Variants in KNDC1 observed in about 807,000 individuals in gnomAD.
KNDC1 encodes kinase non-catalytic C-lobe domain-containing protein 1.
KNDC1 carries 106 observed loss-of-function variants against 172.8 expected under a neutral mutation model. That is an observed-to-expected ratio of 0.61 (90% CI 0.52 to 0.72). KNDC1 has a LOEUF of 0.72. Ranked by LOEUF, KNDC1 falls within the 30% of genes least tolerant of loss-of-function variation. KNDC1 has a pLI of 0.00. For missense variants in KNDC1, 2,325 were observed against 2,394.5 expected (o/e 0.97, Z 0.61); for synonymous variants, 1,083 against 1,062.2 (o/e 1.02, Z -0.38).
At chr10:133,210,545 G>T (rs369933988) in intron 20 of KNDC1, 66 bp from the exon 21 acceptor site, 9 of 934,108 alleles carry the variant, frequency 9.6e-6, no homozygotes, top group African/African-American at 1.6e-5. Flanking sequence ...CCCCACCACC[G>T]AACACTAGCC....
intron 11 of KNDC1, 68 bp from the exon 12 acceptor site, chr10:133,197,607 C>T (rs1395440714): frequency 2.4e-6 from 3 of 1,225,216 alleles, no homozygotes; most frequent in Non-Finnish European, 3.6e-6. Flanking sequence ...GGGGGACGCC[C>T]TGTGGGTGTT....
At chr10:133,184,033 C>T in intron 5 of KNDC1, 44 bp downstream of exon 5, 2 of 1,145,366 alleles carry the variant, frequency 1.7e-6, no homozygotes, top group East Asian at 2.4e-5. Flanking sequence ...TGCACATATA[C>T]CTGTGTGCCA....
chr10:133,208,490 G>C (rs189505413), intron 20 of KNDC1, among the ~76,000 whole-genome samples: 7 of 20,298 alleles, frequency 3.4e-4, no homozygotes, highest in African/African-American at 8.6e-4. Flanking sequence ...AGGGACGTGG[G>C]CCCCCAACCC....
intron 3 of KNDC1, among the ~76,000 whole-genome samples, chr10:133,182,996 A>G (rs939742479): frequency 6.5e-5 from 9 of 137,916 alleles, no homozygotes; most frequent in Admixed American, 1.4e-4. Context: ...CGGCGTGGGC[A>G]CAGGCGGCAA....
At position 133,209,569 on chromosome 10, in the gene KNDC1, T is replaced by A. The variant is rs1845312796; in HGVS notation, c.3795-1042T>A. 6.6e-6 allele frequency among the ~76,000 whole-genome samples: 1 copy of A among 151,900 alleles called. No homozygotes were observed. Among genetic ancestry groups the A allele is most frequent in the Admixed American group, 6.6e-5 (1 of 15,254 alleles). ...CTGGTTGTCGAGTTCTGTGTGGCTT[T>A]GTCCACGTGTGTGGCGTGCGTGTCT... is the stretch of plus-strand genomic sequence containing the variant. On this transcript the variant is annotated intron_variant, in intron 20 of 29. Transcript: ENST00000304613. This position sits in a 1 kb window ranked among gnomAD's most constrained non-coding sequence, Gnocchi z 4.9.
rs762126309 is a variant in KNDC1, at chr10:133,183,448, C to G, written c.465C>G (p.Ser155Arg). 1 of 1,606,034 alleles carries G rather than the reference C, an allele frequency of 6.2e-7. No individual in the cohort carries two copies. The highest frequency in any genetic ancestry group is 8.5e-7 in the Non-Finnish European group (1 of 1,178,044). The change falls in exon 4 of 30, where the codon AGC (serine) becomes AGG (arginine). Residue 155 changes from serine (S) to arginine (R), a missense_variant. Coordinates refer to ENST00000304613, the MANE Select transcript of KNDC1 (RefSeq NM_152643.8). Reference protein sequence around the residue: ...RLSQDLEALLSRMQAEDPGDR... With the variant: ...RLSQDLEALLRRMQAEDPGDR... Reference sequence around the variant, plus strand: ...GCCAAGACCTCGAGGCGCTGCTGAGCCGGATGCAGGCGGAGGACCCCGGGG... The same window carrying G: ...GCCAAGACCTCGAGGCGCTGCTGAGGCGGATGCAGGCGGAGGACCCCGGGG...
intron 9 of KNDC1, among the ~76,000 whole-genome samples, chr10:133,191,383 C>G (rs571033836): frequency 6.7e-6 from 1 of 148,992 alleles, no homozygotes; most frequent in African/African-American, 2.5e-5. Context: ...GATGACAGAG[C>G]CAGACCCTGT....
chr10:133,204,027 C>T (rs111821544), intron 17 of KNDC1, among the ~76,000 whole-genome samples: 28 of 152,314 alleles, frequency 1.8e-4, no homozygotes, highest in African/African-American at 6.0e-4. Flanking sequence ...GAGATTTTCT[C>T]GACATCAGCA....
intron 11 of KNDC1, 81 bp downstream of exon 11, chr10:133,197,216 C>T (rs990735601): frequency 1.6e-5 from 18 of 1,114,590 alleles, no homozygotes; most frequent in African/African-American, 3.1e-5. Context: ...CTTGCCTGGC[C>T]GCTCCCGGCA....
intron 10 of KNDC1, among the ~76,000 whole-genome samples, chr10:133,196,580 G>T (rs913135160): frequency 1.3e-5 from 2 of 152,196 alleles, no homozygotes; most frequent in Non-Finnish European, 2.9e-5. Flanking sequence ...GGCCTCTCAG[G>T]CCTCCTCTGC....
rs557154577 is a variant in KNDC1, at chr10:133,198,797, C to G, written c.2289C>G (p.Pro763=). The change falls in exon 14 of 30, where the codon CCC becomes CCG. Residue 763 remains proline (P), a synonymous_variant. Transcript: ENST00000304613. ...CCCAGGGCCGCCCCTGCCCTCCACC[C>G]CAGGCCCCAGCAAACCAGCCAGAGG... ...DSAQGRPCPP[P]QAPANQPEGA... 6.3e-7 allele frequency: 1 copy of G among 1,592,608 alleles called. No homozygotes were observed. The highest frequency in any genetic ancestry group is 2.3e-5 in the East Asian group (1 of 44,016).
intron 26 of KNDC1, 52 bp downstream of exon 26, chr10:133,214,174 CG>C (rs1564899497): frequency 1.9e-6 from 3 of 1,598,318 alleles, no homozygotes; most frequent in Middle Eastern, 1.9e-4. Context: ...CCCACCTACG[CG>C]GGGGTGGCAG....
intron 9 of KNDC1, 80 bp downstream of exon 9, chr10:133,189,893 C>CGAGT: frequency 8.3e-7 from 1 of 1,210,538 alleles, no homozygotes; most frequent in East Asian, 2.5e-5. Context: ...TCCAGCAGCC[C>CGAGT]CCCATCAGGA....
rs1184423323 is a variant in KNDC1 at position 133,201,895 on chromosome 10, C to A, written c.3384C>A (p.Ser1128Arg). The change falls in exon 17 of 30, where the codon AGC becomes AGA. Residue 1128 changes from serine to arginine, a missense_variant. Coordinates refer to ENST00000304613, the MANE Select transcript of KNDC1 (RefSeq NM_152643.8). ...QADGALPDAQ[S>R]PELEQQLMME... ...ACGGGGCCCTGCCCGACGCCCAGAG[C>A]CCGGTGAGTCCCAGGCCTTGGCACT... is the stretch of plus-strand genomic sequence containing the variant. 8 of 1,471,454 alleles carry A rather than the reference C, an allele frequency of 5.4e-6. No homozygotes were observed. The Admixed American group carries it at 2.1e-4, about 38-fold the overall frequency. 91.1% of individuals were successfully genotyped at this position (1,471,454 alleles called of 1,614,324 possible).
intron 26 of KNDC1, among the ~76,000 whole-genome samples, chr10:133,215,048 C>A (rs915612004): frequency 6.6e-6 from 1 of 152,198 alleles, no homozygotes; most frequent in South Asian, 2.1e-4. Context: ...GCTCAGCTGG[C>A]GCTTGGCTGT....
chr10:133,219,886 C>A, intron 28 of KNDC1, 69 bp from the exon 29 acceptor site: 1 of 1,454,794 alleles, frequency 6.9e-7, no homozygotes, highest in Non-Finnish European at 9.2e-7. Context: ...GCTGCGCTGG[C>A]CCCGGCTGAG....
chr10:133,168,376 A>G (rs753996873), intron 3 of KNDC1, 64 bp downstream of exon 3: 8 of 1,511,436 alleles, frequency 5.3e-6, no homozygotes, highest in Non-Finnish European at 7.4e-6. Flanking sequence ...CTCTGCCATT[A>G]ACTCAGAAAT....
At position 133,200,403 on chromosome 10, in the gene KNDC1, G is replaced by C. The variant is rs746019009; in HGVS notation, c.2932G>C (p.Glu978Gln). The C allele has an allele frequency of 5.0e-6, 8 of 1,597,860 alleles. No individual in the cohort carries two copies. The highest frequency in any genetic ancestry group is 1.1e-5 in the South Asian group (1 of 89,176). The change falls in exon 16 of 30, where the codon GAG (glutamate) becomes CAG (glutamine). Residue 978 changes from glutamate (E) to glutamine (Q), a missense_variant. By Grantham distance (29) the Glu-to-Gln change is conservative. Transcript: ENST00000304613. The stretch of plus-strand genomic sequence containing the variant: ...GGCCGAGGAGGCTGGGTCACAGCTC[G>C]AGGGCAGCCAAAGCCCCCGCTCCCC... Reference protein sequence around the residue: ...STAEEAGSQLEGSQSPRSPSS... With the variant: ...STAEEAGSQLQGSQSPRSPSS...
chr10:133,165,200 G>A (rs1201795148), intron 1 of KNDC1, among the ~76,000 whole-genome samples: 1 of 152,254 alleles, frequency 6.6e-6, no homozygotes, highest in Non-Finnish European at 1.5e-5. Context: ...CACCGCTAAA[G>A]TCATCCAGAG....
Sources: gnomAD v4.1 joint callset for allele counts (sites outside exome capture counted in the v4.1 genomes callset) on GRCh38, gnomAD v4.1.1 for gene constraint, Gnocchi (gnomAD v3.1) non-coding constraint, MANE v1.5 for transcripts, NCBI Gene and HGNC (gene_info 2026-07-23, HGNC 2026-07-21) for gene names.